Variants in CA10 observed in about 807,000 individuals in gnomAD.
The protein encoded by CA10 is carbonic anhydrase-related protein 10.
Under a neutral mutation model 44.2 loss-of-function variants are expected in CA10, and 14 were observed. That is an observed-to-expected ratio of 0.32 (90% CI 0.21 to 0.50). The LOEUF (loss-of-function observed/expected upper bound fraction) is 0.50. CA10 is among the 20% of genes least tolerant of loss of function. The pLI is 0.99. For missense variants in CA10, 350 were observed against 409.7 expected, an observed-to-expected ratio of 0.85 and a Z score of 1.26; for synonymous variants, 159 against 141.6, an observed-to-expected ratio of 1.12 and a Z score of -0.87.
intron 7 of CA10, among the ~76,000 whole-genome samples, chr17:51,635,604 G>A (rs1022540664): frequency 6.6e-6 from 1 of 152,134 alleles, no homozygotes; most frequent in African/African-American, 2.4e-5. Context: ...ACCACTAGAA[G>A]CTAGGGGAGA....
At position 52,125,328 on chromosome 17, in the gene CA10, T is replaced by C. The variant is rs1542907; in HGVS notation, c.61+32398A>G. Among the ~76,000 whole-genome samples the C allele has an allele frequency of 6.9e-3, 1,046 of 152,292 alleles. 17 individuals carry two copies. Among genetic ancestry groups the C allele is most frequent in the African/African-American group, 0.024 (1,000 of 41,554 alleles). On this transcript the variant is annotated intron_variant, in intron 1 of 8. Coordinates refer to ENST00000451037, the MANE Select transcript of CA10 (RefSeq NM_020178.5). ...TACTTAAGGGTGTATATCCACTGCCTGCATCTTGACAGCCGGCTGGTTGGT... is the reference window on the plus strand; with the variant it reads ...TACTTAAGGGTGTATATCCACTGCCCGCATCTTGACAGCCGGCTGGTTGGT...
At chr17:51,994,117 A>C (rs1985139808) in intron 2 of CA10, among the ~76,000 whole-genome samples, 1 of 152,062 alleles carries the variant, frequency 6.6e-6, no homozygotes, top group Non-Finnish European at 1.5e-5. Context: ...CAAATGGTGA[A>C]TCTTAAAGAG....
At chr17:51,774,465 A>C (rs958634676) in intron 3 of CA10, among the ~76,000 whole-genome samples, 1 of 148,624 alleles carries the variant, frequency 6.7e-6, no homozygotes, top group Non-Finnish European at 1.5e-5. Flanking sequence ...TTTGAGGTGG[A>C]GTCTCGCTCT....
chr17:51,973,915 C>T (rs917424547), intron 2 of CA10, among the ~76,000 whole-genome samples: 1 of 151,992 alleles, frequency 6.6e-6, no homozygotes, highest in Non-Finnish European at 1.5e-5. Context: ...AAGACTGATG[C>T]TGTAATTAGC....
chr17:52,016,683 T>C (rs778264281), intron 2 of CA10, among the ~76,000 whole-genome samples: 2 of 151,976 alleles, frequency 1.3e-5, no homozygotes, highest in Non-Finnish European at 2.9e-5. Context: ...GAGGCTGAGG[T>C]GGATAGATCA....
intron 2 of CA10, among the ~76,000 whole-genome samples, chr17:52,046,935 C>CA (rs1986928841): frequency 6.6e-6 from 1 of 151,920 alleles, no homozygotes; most frequent in African/African-American, 2.4e-5. Flanking sequence ...TAAAAGACCA[C>CA]ACAGCCATTT....
intron 2 of CA10, among the ~76,000 whole-genome samples, chr17:51,998,416 T>A (rs1379102091): frequency 6.6e-6 from 1 of 152,076 alleles, no homozygotes. Context: ...CAGCCAAGAA[T>A]AAATTTAACT....
At chr17:52,077,736 T>G (rs1334796552) in intron 1 of CA10, among the ~76,000 whole-genome samples, 2 of 152,088 alleles carry the variant, frequency 1.3e-5, no homozygotes, top group East Asian at 3.9e-4. Context: ...GTATCTATCA[T>G]ACTAAATCTT....
chr17:51,653,046 A>T (rs1249104966), intron 5 of CA10, among the ~76,000 whole-genome samples: 1 of 151,776 alleles, frequency 6.6e-6, no homozygotes, highest in Non-Finnish European at 1.5e-5. Flanking sequence ...TGGAGATTTT[A>T]TGTTGTCGTT....
intron 1 of CA10, among the ~76,000 whole-genome samples, chr17:52,133,042 G>A (rs1005156100): frequency 6.6e-6 from 1 of 152,204 alleles, no homozygotes; most frequent in Non-Finnish European, 1.5e-5. Flanking sequence ...CAAAGGTAAG[G>A]AAAAGCTGGG....
rs368983454 is a variant in CA10, at chr17:52,156,660, T to C, written c.61+1066A>G. Among the ~76,000 whole-genome samples, 5 of 152,310 alleles carry C rather than the reference T, an allele frequency of 3.3e-5. No homozygotes were observed. In the East Asian group the frequency reaches 7.7e-4, roughly 24 times the overall value. On this transcript the variant is annotated intron_variant, in intron 1 of 8. Coordinates refer to ENST00000451037, the MANE Select transcript of CA10 (RefSeq NM_020178.5). ...ACATGTCTCTCCACCCCAGTGCTGC[T>C]TAAATGTGGCTGCTCAAAGGGGCAA...
chr17:52,003,448 A>G (rs1479531504), intron 2 of CA10, among the ~76,000 whole-genome samples: 1 of 151,950 alleles, frequency 6.6e-6, no homozygotes, highest in Non-Finnish European at 1.5e-5. Context: ...CTTTGAAGGC[A>G]GGGGCTGTGC....
intron 3 of CA10, among the ~76,000 whole-genome samples, chr17:51,907,235 G>A (rs1204778711): frequency 6.6e-6 from 1 of 151,952 alleles, no homozygotes; most frequent in South Asian, 2.1e-4. Flanking sequence ...ACCACCTGAT[G>A]GTCTTTGAGC....
At chr17:52,157,588 T>C (rs1989834499) in intron 1 of CA10, 138 bp downstream of exon 1, 2 of 665,098 alleles carry the variant, frequency 3.0e-6, no homozygotes, top group Non-Finnish European at 5.2e-6. Flanking sequence ...TTTTTGATTC[T>C]GAAGGCGGCA....
chr17:51,862,714 G>C (rs905075257), intron 3 of CA10, among the ~76,000 whole-genome samples: 1 of 152,070 alleles, frequency 6.6e-6, no homozygotes, highest in African/African-American at 2.4e-5. Context: ...CATTGTGGTT[G>C]AGTTCTGGTG....
At chr17:51,773,212 T>C (rs1013149789) in intron 3 of CA10, among the ~76,000 whole-genome samples, 1 of 152,236 alleles carries the variant, frequency 6.6e-6, no homozygotes, top group Non-Finnish European at 1.5e-5. Context: ...GCTCAGTGTG[T>C]AGAACATTCT....
At chr17:51,748,157 T>A (rs1345556795) in intron 3 of CA10, among the ~76,000 whole-genome samples, 1 of 152,158 alleles carries the variant, frequency 6.6e-6, no homozygotes, top group Non-Finnish European at 1.5e-5. Flanking sequence ...ACTGCAAGAG[T>A]TCTAAATCTC....
chr17:52,139,455 T>C (rs1989430507), intron 1 of CA10, among the ~76,000 whole-genome samples: 1 of 151,402 alleles, frequency 6.6e-6, no homozygotes, highest in Admixed American at 6.6e-5. Context: ...AAGGTGATTT[T>C]TTTTTTTTTT....
intron 4 of CA10, among the ~76,000 whole-genome samples, chr17:51,683,242 T>C (rs1022861122): frequency 6.6e-6 from 1 of 152,212 alleles, no homozygotes; most frequent in Non-Finnish European, 1.5e-5. Flanking sequence ...TTGCCTCTGC[T>C]TTGCATATCA....
Sources: gnomAD v4.1 joint callset for allele counts (sites outside exome capture counted in the v4.1 genomes callset) on GRCh38, gnomAD v4.1.1 for gene constraint, MANE v1.5 for transcripts, NCBI Gene and HGNC (gene_info 2026-07-23, HGNC 2026-07-21) for gene names.